The following AGAP1 variants were observed in gnomAD, a reference collection of about 807,000 sequenced individuals.
The protein encoded by AGAP1 is arf-GAP with GTPase, ANK repeat and PH domain-containing protein 1.
In AGAP1, 29 loss-of-function variants were observed where a neutral mutation model predicts 105.3. The observed-to-expected ratio is 0.28, with a 90% CI of 0.21 to 0.38. The LOEUF is 0.38. Ranked by LOEUF, AGAP1 falls within the 10% of genes least tolerant of loss-of-function variation. The pLI, the probability that AGAP1 is intolerant of heterozygous loss-of-function variation, is 1.00. For synonymous variants in AGAP1, 509 were observed against 485.9 expected, an observed-to-expected ratio of 1.05 and a Z score of -0.63; for missense variants, 998 against 1,165.1, an observed-to-expected ratio of 0.86 and a Z score of 2.09.
chr2:235,859,005 A>G (rs1456864949), intron 9 of AGAP1, among the ~76,000 whole-genome samples: 1 of 152,246 alleles, frequency 6.6e-6, no homozygotes, highest in Non-Finnish European at 1.5e-5. Context: ...TAGAATGGAC[A>G]CTTAAGAAAA....
At chr2:235,791,205 A>G (rs1956954005) in intron 6 of AGAP1, among the ~76,000 whole-genome samples, 1 of 152,126 alleles carries the variant, frequency 6.6e-6, no homozygotes, top group Non-Finnish European at 1.5e-5. Context: ...CCGAAGTCAC[A>G]CATTCTGAAC....
chr2:235,578,085 C>T lies in AGAP1; in HGVS notation c.163+83236C>T, dbSNP rs1171006329. ...CTGCCTGCTGGTCTGAGGGTCCGAG[C>T]GTGATTGGGAGCAGAGACAAGAGTT... is the stretch of plus-strand genomic sequence containing the variant. On this transcript the variant is annotated intron_variant, in intron 1 of 17. Transcript: ENST00000304032. The surrounding 1 kb of genome is among the most constrained non-coding windows in gnomAD (Gnocchi z 4.9). 6.6e-6 allele frequency among the ~76,000 whole-genome samples: 1 copy of T among 152,080 alleles called. No homozygotes were observed. Among genetic ancestry groups the T allele is most frequent in the Non-Finnish European group, 1.5e-5 (1 of 68,010 alleles).
At chr2:235,938,869 G>A (rs1559671644) in intron 12 of AGAP1, among the ~76,000 whole-genome samples, 1 of 152,144 alleles carries the variant, frequency 6.6e-6, no homozygotes. Context: ...TCGTCCAATG[G>A]CTGCCCATTA....
chr2:235,636,689 G>C (rs772543020), intron 1 of AGAP1, among the ~76,000 whole-genome samples: 1 of 152,154 alleles, frequency 6.6e-6, no homozygotes, highest in East Asian at 1.9e-4. Context: ...CCAAGTCGTC[G>C]TGTCATCACT....
chr2:235,686,665 A>ATATTTTTTTTTT (rs1369766503), intron 1 of AGAP1, among the ~76,000 whole-genome samples: 1 of 77,492 alleles, frequency 1.3e-5, no homozygotes, highest in Admixed American at 1.8e-4. Flanking sequence ...ATATATATAT[A>ATATTTTTTTTTT]TTTTTTTTTT....
rs148818651 is a variant in AGAP1, at chr2:236,042,363, G to A, written c.1891+1522G>A. ...TCTGGAAGCCTGTCCTGCGGGTGAG[G>A]GAAGGGGTTCTTCTCCAGGTATCTT... On this transcript the variant is annotated intron_variant, in intron 15 of 17. Transcript: ENST00000304032. This position sits in a 1 kb window ranked among gnomAD's most constrained non-coding sequence, Gnocchi z 5.6. Among the ~76,000 whole-genome samples, 4 of 152,280 alleles carry A rather than the reference G, an allele frequency of 2.6e-5. No individual in the cohort carries two copies. The highest frequency in any genetic ancestry group is 5.9e-5 in the Non-Finnish European group (4 of 68,034).
chr2:235,686,781 G>C (rs377486034), intron 1 of AGAP1, among the ~76,000 whole-genome samples: 1 of 149,070 alleles, frequency 6.7e-6, no homozygotes, highest in South Asian at 2.1e-4. Flanking sequence ...AGCCACCCAA[G>C]TAGCTGAGAC....
chr2:235,799,262 C>T lies in AGAP1; in HGVS notation c.802-105C>T. 7.4e-7 allele frequency: 1 copy of T among 1,345,926 alleles called. No homozygotes were observed. The highest frequency in any genetic ancestry group is 1.0e-6 in the Non-Finnish European group (1 of 968,298). 83.4% of individuals were successfully genotyped at this position (1,345,926 alleles called of 1,614,324 possible). Reference sequence around the variant, plus strand: ...GCAAGTCAGCCATTCCCATGCATCCCTTCCATGGGGCTCATGCTCACTTGT... The same window carrying T: ...GCAAGTCAGCCATTCCCATGCATCCTTTCCATGGGGCTCATGCTCACTTGT... On this transcript the variant is annotated intron_variant, in intron 7 of 17. Coordinates refer to ENST00000304032, the MANE Select transcript of AGAP1 (RefSeq NM_001037131.3). This position sits in a 1 kb window ranked among gnomAD's most constrained non-coding sequence, Gnocchi z 5.0.
intron 16 of AGAP1, among the ~76,000 whole-genome samples, chr2:236,086,898 A>G (rs926758196): frequency 7.0e-6 from 1 of 143,812 alleles, no homozygotes. Flanking sequence ...AAAATCTGCA[A>G]ATAAAATTCC....
intron 9 of AGAP1, among the ~76,000 whole-genome samples, chr2:235,848,026 G>T (rs1004761473): frequency 2.6e-5 from 4 of 152,194 alleles, no homozygotes; most frequent in South Asian, 2.1e-4. Context: ...GCCATTCACA[G>T]CCTCCTGAGT....
chr2:235,715,052 C>T (rs1189903454), intron 2 of AGAP1, among the ~76,000 whole-genome samples: 1 of 152,168 alleles, frequency 6.6e-6, no homozygotes, highest in Non-Finnish European at 1.5e-5. Flanking sequence ...CCGCTTCGGC[C>T]CCCCAAAGTG....
At chr2:235,648,066 G>A (rs542104046) in intron 1 of AGAP1, among the ~76,000 whole-genome samples, 1 of 152,318 alleles carries the variant, frequency 6.6e-6, no homozygotes, top group South Asian at 2.1e-4. Context: ...CACAAGCCAG[G>A]CAGCTGTAGG....
chr2:235,976,162 A>C lies in AGAP1; in HGVS notation c.1645+7539A>C, dbSNP rs2054849285. 6.6e-6 allele frequency among the ~76,000 whole-genome samples: 1 copy of C among 152,168 alleles called. No individual in the cohort carries two copies. On this transcript the variant is annotated intron_variant, in intron 13 of 17. Transcript: ENST00000304032. This position sits in a 1 kb window ranked among gnomAD's most constrained non-coding sequence, Gnocchi z 4.5. ...TTTCATCACCCTTGGGCTGTCAGTG[A>C]TGGGAGCCACCATGCATCCCGACGG...
At chr2:235,602,288 A>C (rs1188859618) in intron 1 of AGAP1, among the ~76,000 whole-genome samples, 1 of 152,228 alleles carries the variant, frequency 6.6e-6, no homozygotes, top group Non-Finnish European at 1.5e-5. Flanking sequence ...GGCTGCTTTC[A>C]TGTGACATCA....
chr2:235,691,483 A>C lies in AGAP1; in HGVS notation c.164-17696A>C, dbSNP rs766981792. The stretch of plus-strand genomic sequence containing the variant: ...TAAAGATACTCATTTGAGATGTGCC[A>C]ACATTTAGTCGGATTCTGTGACTGG... On this transcript the variant is annotated intron_variant, in intron 1 of 17. Coordinates refer to ENST00000304032, the MANE Select transcript of AGAP1 (RefSeq NM_001037131.3). This position sits in a 1 kb window ranked among gnomAD's most constrained non-coding sequence, Gnocchi z 4.4. Among the ~76,000 whole-genome samples, 4 of 152,246 alleles carry C rather than the reference A, an allele frequency of 2.6e-5. No individual in the cohort carries two copies. The highest frequency in any genetic ancestry group is 5.9e-5 in the Non-Finnish European group (4 of 68,040).
rs1944343365 is a variant in AGAP1 at position 235,566,275 on chromosome 2, C to T, written c.163+71426C>T. Among the ~76,000 whole-genome samples the T allele has an allele frequency of 6.6e-6, 1 of 152,056 alleles. No homozygotes were observed. Among genetic ancestry groups the T allele is most frequent in the South Asian group, 2.1e-4 (1 of 4,824 alleles). On this transcript the variant is annotated intron_variant, in intron 1 of 17. Coordinates refer to ENST00000304032, the MANE Select transcript of AGAP1 (RefSeq NM_001037131.3). This position sits in a 1 kb window ranked among gnomAD's most constrained non-coding sequence, Gnocchi z 5.2. ...CCTGGCTAATTTTGTATTTTTAGTA[C>T]AGACGGAGTTTCTCCATGTTTGTCA...
chr2:235,884,474 G>C (rs1166144520), intron 10 of AGAP1, among the ~76,000 whole-genome samples: 3 of 129,552 alleles, frequency 2.3e-5, no homozygotes, highest in African/African-American at 1.0e-4. Flanking sequence ...TTTTTTGAGA[G>C]GAGTCTCACT....
intron 13 of AGAP1, among the ~76,000 whole-genome samples, chr2:235,972,126 CCT>C: frequency 6.6e-6 from 1 of 152,146 alleles, no homozygotes; most frequent in Non-Finnish European, 1.5e-5. Context: ...ACCATTTCTG[CCT>C]CTCTTTCCTG....
chr2:235,923,888 A>G (rs1299495634), intron 11 of AGAP1, among the ~76,000 whole-genome samples: 1 of 152,242 alleles, frequency 6.6e-6, no homozygotes, highest in East Asian at 1.9e-4. Flanking sequence ...GAGGAAAAAA[A>G]AAGAAGTGGA....
Sources: allele counts gnomAD v4.1 joint callset (sites outside exome capture counted in the v4.1 genomes callset), GRCh38; gene constraint gnomAD v4.1.1; non-coding constraint Gnocchi (gnomAD v3.1); transcripts MANE v1.5; gene names NCBI Gene and HGNC (gene_info 2026-07-23, HGNC 2026-07-21).